The following DHX9 variants were observed in gnomAD, a reference collection of about 807,000 sequenced individuals.
DHX9 encodes DExH-box helicase 9.
Under a neutral mutation model 148.7 loss-of-function variants are expected in DHX9, and 27 were observed. That is an observed-to-expected ratio of 0.18 (90% CI 0.13 to 0.25). The LOEUF (loss-of-function observed/expected upper bound fraction) is 0.25, where lower values mean the gene tolerates loss of function less well. Among genes scored for constraint, DHX9 ranks in the 10% least tolerant of loss-of-function variants. DHX9 has a pLI of 1.00. For synonymous variants in DHX9, 529 were observed against 516.6 expected (o/e 1.02, Z -0.33); for missense variants, 796 against 1,559.6 (o/e 0.51, Z 8.25).
In DHX9 at chr1:182,858,843, C is replaced by T; in HGVS notation, c.1011C>T (p.Ser337=). 1 of 1,614,142 alleles carries T rather than the reference C, an allele frequency of 6.2e-7. No homozygotes were observed. The highest frequency in any genetic ancestry group is 8.5e-7 in the Non-Finnish European group (1 of 1,180,042). The change falls in exon 10 of 28, where the codon TCC becomes TCT. Residue 337 remains serine (S), a synonymous_variant. Coordinates refer to ENST00000367549, the MANE Select transcript of DHX9 (RefSeq NM_001357.5). ...VGVVPWSPPQ[S]NWNPWTSSNI... ...TGGTTCCTTGGTCACCTCCACAATC[C>T]AACTGGAATCCTTGGACTAGTAGCA...
intron 3 of DHX9, among the ~76,000 whole-genome samples, chr1:182,851,950 T>TA (rs1174494878): frequency 6.6e-6 from 1 of 152,208 alleles, no homozygotes. Context: ...AGAGCAGTGT[T>TA]ACTCAAAATG....
At chr1:182,869,749 C>T (rs1490929637) in intron 14 of DHX9, among the ~76,000 whole-genome samples, 9 of 152,212 alleles carry the variant, frequency 5.9e-5, no homozygotes, top group African/African-American at 2.2e-4. Context: ...TAGGCGCCTG[C>T]CACCACACCT....
intron 27 of DHX9, among the ~76,000 whole-genome samples, chr1:182,886,182 T>TA (rs143481668): frequency 6.2e-5 from 9 of 144,224 alleles, no homozygotes; most frequent in African/African-American, 2.5e-4. Context: ...TATTTTTTTT[T>TA]AAATTTATTT....
chr1:182,859,126 G>T lies in DHX9; in HGVS notation c.1140+9G>T. The T allele has an allele frequency of 3.1e-6, 5 of 1,609,782 alleles. No homozygotes were observed. Among genetic ancestry groups the T allele is most frequent in the South Asian group, 1.1e-5 (1 of 90,848 alleles). On this transcript the variant is annotated intron_variant, in intron 11 of 27. Transcript: ENST00000367549. Reference sequence around the variant, plus strand: ...ATCATGATTTGCAAGCAGTAAGTCTGAATTATTTAGACAAGTAGTGCTCAG... The same window carrying T: ...ATCATGATTTGCAAGCAGTAAGTCTTAATTATTTAGACAAGTAGTGCTCAG...
Position 182,844,415 on chromosome 1 carries a change from T to G in DHX9, c.252+981T>G, listed in dbSNP as rs536863338. On this transcript the variant is annotated intron_variant, in intron 3 of 27. Coordinates refer to ENST00000367549, the MANE Select transcript of DHX9 (RefSeq NM_001357.5). ...TTTGTTTTTCTGCCTTTTTTCTTTT[T>G]GGGGCTCAATCAAACTCTTGGCCTC... Among the ~76,000 whole-genome samples, 4 of 152,356 alleles carry G rather than the reference T, an allele frequency of 2.6e-5. No homozygotes were observed. The South Asian group carries it at 8.3e-4, about 32-fold the overall frequency.
intron 3 of DHX9, among the ~76,000 whole-genome samples, chr1:182,849,102 C>G (rs1252411517): frequency 6.6e-6 from 1 of 152,212 alleles, no homozygotes; most frequent in African/African-American, 2.4e-5. Flanking sequence ...TATCTTACCT[C>G]CTCATTCTAG....
intron 6 of DHX9, among the ~76,000 whole-genome samples, chr1:182,855,868 C>G (rs1228929872): frequency 1.3e-5 from 2 of 152,200 alleles, no homozygotes; most frequent in Admixed American, 6.5e-5. Context: ...TTTTCCCTTG[C>G]TAAAACCTAA....
chr1:182,854,530 G>T (rs1454082129), intron 6 of DHX9, among the ~76,000 whole-genome samples: 1 of 151,956 alleles, frequency 6.6e-6, no homozygotes, highest in Non-Finnish European at 1.5e-5. Context: ...TTTCACCTTG[G>T]TATTGTTAGA....
chr1:182,884,978 C>G (rs945611759), intron 27 of DHX9, among the ~76,000 whole-genome samples, 165 bp downstream of exon 27: 12 of 152,104 alleles, frequency 7.9e-5, no homozygotes, highest in Non-Finnish European at 1.3e-4. Flanking sequence ...CTAACATACT[C>G]AGAACAAAGA....
chr1:182,865,906 T>G (rs1300688628), intron 12 of DHX9, among the ~76,000 whole-genome samples: 1 of 151,034 alleles, frequency 6.6e-6, no homozygotes, highest in Middle Eastern at 3.4e-3. Context: ...TGCAGATTGA[T>G]TGTTGGAAAT....
chr1:182,852,430 A>C, intron 4 of DHX9, 86 bp downstream of exon 4: 4 of 892,722 alleles, frequency 4.5e-6, no homozygotes, highest in Non-Finnish European at 6.7e-6. Context: ...TTGGGTAGAA[A>C]GAACTGCAGT....
intron 3 of DHX9, among the ~76,000 whole-genome samples, chr1:182,849,211 AT>A (rs201511747): frequency 6.6e-6 from 1 of 152,000 alleles, no homozygotes; most frequent in Non-Finnish European, 1.5e-5. Flanking sequence ...ATATTTTAAA[AT>A]TTTTTTTGCT....
Position 182,860,057 on chromosome 1 carries a change from G to A in DHX9, c.1205G>A (p.Ser402Asn), listed in dbSNP as rs1250105251. 1 of 1,613,958 alleles carries A rather than the reference G, an allele frequency of 6.2e-7. No individual in the cohort carries two copies. The highest frequency in any genetic ancestry group is 2.2e-5 in the East Asian group (1 of 44,860). The change falls in exon 12 of 28, where the codon AGC (serine) becomes AAC (asparagine). Residue 402 changes from serine (S) to asparagine (N), a missense_variant. By Grantham distance (46) the Ser-to-Asn change is conservative (BLOSUM62 1). Around this residue, in one of 14 missense-constraint regions of DHX9, gnomAD observed 58 missense variants for 122.8 expected, o/e 0.47. Coordinates refer to ENST00000367549, the MANE Select transcript of DHX9 (RefSeq NM_001357.5). ...GAAAGTGAGATTCTGGAAGCAATCA[G>A]CCAAAATTCAGTTGTCATTATTAGA... is the stretch of plus-strand genomic sequence containing the variant. ...KFESEILEAISQNSVVIIRGA... is the reference protein window; with the variant it reads ...KFESEILEAINQNSVVIIRGA...
At chr1:182,856,852 A>G (rs1668260230) in intron 7 of DHX9, among the ~76,000 whole-genome samples, 1 of 152,054 alleles carries the variant, frequency 6.6e-6, no homozygotes, top group Non-Finnish European at 1.5e-5. Flanking sequence ...TTAATTTTAA[A>G]CCTTTTTTGT....
intron 16 of DHX9, 158 bp downstream of exon 16, chr1:182,875,112 A>G (rs1648699947): frequency 5.8e-6 from 4 of 684,686 alleles, no homozygotes; most frequent in East Asian, 5.9e-5. Flanking sequence ...TTTTACTGCA[A>G]AAAAATTCCA....
chr1:182,885,348 C>G (rs1054734875), intron 27 of DHX9, among the ~76,000 whole-genome samples: 3 of 151,978 alleles, frequency 2.0e-5, no homozygotes, highest in Non-Finnish European at 4.4e-5. Flanking sequence ...TTGATACTTA[C>G]CAAAAAGGCA....
At chr1:182,865,838 G>C (rs1264376143) in intron 12 of DHX9, among the ~76,000 whole-genome samples, 2 of 152,190 alleles carry the variant, frequency 1.3e-5, no homozygotes, top group Non-Finnish European at 2.9e-5. Context: ...CTTCAGAAGA[G>C]TTTTCATAAA....
chr1:182,855,487 C>G, intron 6 of DHX9: 6 of 907,706 alleles, frequency 6.6e-6, no homozygotes, highest in Non-Finnish European at 7.9e-6. Context: ...GGTCTGTGTT[C>G]ATACACACAT....
intron 27 of DHX9, 57 bp from the exon 28 acceptor site, chr1:182,887,026 G>A (rs1226305267): frequency 6.6e-7 from 1 of 1,505,138 alleles, no homozygotes; most frequent in East Asian, 2.3e-5. Context: ...CATTTGGTAA[G>A]TCGTTGGGAA....
Sources: allele counts gnomAD v4.1 joint callset (sites outside exome capture counted in the v4.1 genomes callset), GRCh38; gene constraint gnomAD v4.1.1; regional missense constraint gnomAD v4.1.1; transcripts MANE v1.5; gene names NCBI Gene and HGNC (gene_info 2026-07-23, HGNC 2026-07-21).